Variants in ZNF217 observed in about 807,000 individuals in gnomAD.
ZNF217 encodes zinc finger protein 217.
A neutral mutation model predicts 73.3 loss-of-function variants in ZNF217; 12 were observed. The observed-to-expected ratio is 0.16, with a 90% CI of 0.10 to 0.27. The LOEUF (loss-of-function observed/expected upper bound fraction) is 0.27, where lower values mean the gene tolerates loss of function less well. Ranked by LOEUF, ZNF217 falls within the 10% of genes least tolerant of loss-of-function variation. The probability of loss-of-function intolerance (pLI) is 1.00; values close to 1 mark genes in which losing one functional copy is unlikely to be tolerated. For missense variants in ZNF217, 1,195 were observed against 1,327.8 expected (o/e 0.90, Z 1.55); for synonymous variants, 588 against 516.4 (o/e 1.14, Z -1.88).
At chr20:53,578,681 A>G (rs775567240) in intron 2 of ZNF217, among the ~76,000 whole-genome samples, 1 of 152,334 alleles carries the variant, frequency 6.6e-6, no homozygotes, top group Admixed American at 6.5e-5. Context: ...TGGGTACAGC[A>G]GAGTACACTA....
At chr20:53,590,095 A>G (rs1315224878) in intron 1 of ZNF217, among the ~76,000 whole-genome samples, 1 of 152,112 alleles carries the variant, frequency 6.6e-6, no homozygotes, top group East Asian at 1.9e-4. Context: ...CATCCCAGTA[A>G]TCTAAAAACT....
At chr20:53,584,259 A>G (rs1232322226) in intron 1 of ZNF217, among the ~76,000 whole-genome samples, 2 of 152,266 alleles carry the variant, frequency 1.3e-5, no homozygotes, top group African/African-American at 4.8e-5. Context: ...ACCAAAAGGC[A>G]TGCAAACTAC....
At chr20:53,593,680 C>T (rs563108175) in intron 1 of ZNF217, 76 bp downstream of exon 1, 2 of 150,834 alleles carry the variant, frequency 1.3e-5, no homozygotes, top group Non-Finnish European at 3.0e-5. Flanking sequence ...CCGGGCGCCT[C>T]GGGGGCGGCG....
chr20:53,582,656 G>T lies in ZNF217; in HGVS notation c.171C>A (p.Ile57=). The T allele has an allele frequency of 6.2e-7, 1 of 1,614,168 alleles. No homozygotes were observed. Among genetic ancestry groups the T allele is most frequent in the Non-Finnish European group, 8.5e-7 (1 of 1,180,028 alleles). ...CCAAGGGCATATACCCCTCGATTTG[G>T]ATGACATTTTTTTCTTGTGTAGCTC... is the stretch of plus-strand genomic sequence containing the variant. ...PFRATQEKNV[I]QIEGYMPLDC... The change falls in exon 2 of 6, where the codon ATC becomes ATA. Residue 57 remains isoleucine, a synonymous_variant. Transcript: ENST00000371471. The surrounding 1 kb of genome is among the most constrained non-coding windows in gnomAD (Gnocchi z 4.8).
Position 53,575,939 on chromosome 20 carries a change from A to T in ZNF217, c.2825T>A (p.Leu942His). ...GCCTCTGACCATATGGTACTTGGGA[A>T]GGTCATAGCCTCTTCTGTAATTGGC... Reference protein sequence around the residue: ...PGANYRRGYDLPKYHMVRGIT... With the variant: ...PGANYRRGYDHPKYHMVRGIT... Residue 942 changes from leucine to histidine, a missense_variant, in exon 4 of 6, where the codon CTT (leucine) becomes CAT (histidine). Transcript: ENST00000371471. 5 of 1,614,224 alleles carry T rather than the reference A, an allele frequency of 3.1e-6. No homozygotes were observed. The highest frequency in any genetic ancestry group is 4.2e-6 in the Non-Finnish European group (5 of 1,180,042).
rs1180125128 is a variant in ZNF217, at chr20:53,582,394, T to C, written c.433A>G (p.Ile145Val). 6.2e-7 allele frequency: 1 copy of C among 1,604,942 alleles called. No individual in the cohort carries two copies. Among genetic ancestry groups the C allele is most frequent in the East Asian group, 2.3e-5 (1 of 44,180 alleles). Residue 145 changes from isoleucine (I) to valine (V), a missense_variant, in exon 2 of 6, where the codon ATC becomes GTC. By Grantham distance (29) the Ile-to-Val change is conservative (BLOSUM62 3). Around this residue, in one of 9 missense-constraint regions of ZNF217, gnomAD observed 147 missense variants for 184.3 expected, o/e 0.80. Transcript: ENST00000371471. This position sits in a 1 kb window ranked among gnomAD's most constrained non-coding sequence, Gnocchi z 4.8. Reference protein sequence around the residue: ...QTFRVAFDVEIHMRTHKDSFT... With the variant: ...QTFRVAFDVEVHMRTHKDSFT... ...GAATCTTTGTGTGTTCTCATGTGGA[T>C]CTCAACATCAAAAGCGACTCTAAAT...
intron 1 of ZNF217, among the ~76,000 whole-genome samples, chr20:53,584,670 G>A (rs976341577): frequency 2.6e-5 from 4 of 152,152 alleles, no homozygotes; most frequent in African/African-American, 7.2e-5. Context: ...TCTATTTAAC[G>A]CAGTTGGTTA....
chr20:53,595,265 T>C (rs1291422046), upstream of ZNF217, among the ~76,000 whole-genome samples: 1 of 152,144 alleles, frequency 6.6e-6, no homozygotes, highest in African/African-American at 2.4e-5. Context: ...TGCAAACTAA[T>C]GCAAATGTGA....
Position 53,587,712 on chromosome 20 carries a change from A to G in ZNF217, c.-342-4544T>C, listed in dbSNP as rs962948087. Among the ~76,000 whole-genome samples, 95 of 150,502 alleles carry G rather than the reference A, an allele frequency of 6.3e-4. 1 individual carries two copies. Among genetic ancestry groups the G allele is most frequent in the African/African-American group, 2.3e-3 (94 of 40,780 alleles). ...AACTTAAATTGCTATTCTCTGGCCAATGCATTTGTACCCTGAAAACTACAA... is the reference window on the plus strand; with the variant it reads ...AACTTAAATTGCTATTCTCTGGCCAGTGCATTTGTACCCTGAAAACTACAA... On this transcript the variant is annotated intron_variant, in intron 1 of 5. Transcript: ENST00000371471.
In ZNF217 at chr20:53,581,805, C is replaced by G. The variant is rs2036358690; in HGVS notation, c.1022G>C (p.Cys341Ser). 1.2e-6 allele frequency: 2 copies of G among 1,614,260 alleles called. No homozygotes were observed. Among genetic ancestry groups the G allele is most frequent in the East Asian group, 2.2e-5 (1 of 44,884 alleles). Reference sequence around the variant, plus strand: ...CTCTTTCTCTTGCGAGAGGCCTGCACAACTGCCCTTATTTGTTTCTCCAAG... The same window carrying G: ...CTCTTTCTCTTGCGAGAGGCCTGCAGAACTGCCCTTATTTGTTTCTCCAAG... ...KELGETNKGSCAGLSQEKEKC... is the reference protein window; with the variant it reads ...KELGETNKGSSAGLSQEKEKC... Residue 341 changes from cysteine (C) to serine (S), a missense_variant, in exon 2 of 6, where the codon TGT becomes TCT. Transcript: ENST00000371471. This position sits in a 1 kb window ranked among gnomAD's most constrained non-coding sequence, Gnocchi z 4.9.
At position 53,582,892 on chromosome 20, in the gene ZNF217, T is replaced by G. The variant is rs545416954; in HGVS notation, c.-66A>C. The stretch of plus-strand genomic sequence containing the variant: ...TAAGGCCACTTGTAAGACTTGTCAC[T>G]CACCCCTCTAACAGCCCTGGGTTCC... On this transcript the variant is annotated 5_prime_UTR_variant, in exon 2 of 6. Transcript: ENST00000371471. The surrounding 1 kb of genome is among the most constrained non-coding windows in gnomAD (Gnocchi z 4.8). 7 of 1,507,752 alleles carry G rather than the reference T, an allele frequency of 4.6e-6. No homozygotes were observed. In the South Asian group the frequency reaches 7.9e-5, roughly 17 times the overall value. 93.4% of individuals were successfully genotyped at this position (1,507,752 alleles called of 1,614,324 possible). A position where few individuals can be genotyped will look rare whatever the true frequency, so the allele number is the denominator to read the frequency against.
In ZNF217 at chr20:53,581,356, C is replaced by T. The variant is rs1988473649; in HGVS notation, c.1366+105G>A. 1 of 1,477,010 alleles carries T rather than the reference C, an allele frequency of 6.8e-7. No homozygotes were observed. Among genetic ancestry groups the T allele is most frequent in the Middle Eastern group, 2.3e-4 (1 of 4,430 alleles). 91.5% of individuals were successfully genotyped at this position (1,477,010 alleles called of 1,614,324 possible). On this transcript the variant is annotated intron_variant, in intron 2 of 5. Transcript: ENST00000371471. This position sits in a 1 kb window ranked among gnomAD's most constrained non-coding sequence, Gnocchi z 4.9. ...CTGGACTTGACTCTGGCTCTCCAAA[C>T]CCCATTCCTGGCCAGCGTTGTCTGG... is the stretch of plus-strand genomic sequence containing the variant.
intron 2 of ZNF217, among the ~76,000 whole-genome samples, chr20:53,580,934 T>G (rs989303071): frequency 5.9e-5 from 9 of 152,168 alleles, no homozygotes; most frequent in Non-Finnish European, 1.3e-4. Flanking sequence ...CTAGGGTCTC[T>G]CAATGCTCAA....
chr20:53,585,112 A>AAC (rs1568689976), intron 1 of ZNF217, among the ~76,000 whole-genome samples: 1 of 150,412 alleles, frequency 6.6e-6, no homozygotes, highest in East Asian at 1.9e-4. Context: ...AAAAAAAAAA[A>AAC]AAAAAACTAA....
In ZNF217 at chr20:53,577,129, T is replaced by C. The variant is rs1174770273; in HGVS notation, c.1635A>G (p.Ala545=). ...NDGKNQDTED[A]LLTADSAQTK... ...TTTGCGCACTGTCAGCGGTTAATAG[T>C]GCATCTTCAGTGTCCTGATTTTTAC... The change falls in exon 4 of 6, where the codon GCA becomes GCG. Residue 545 remains alanine, a synonymous_variant. Coordinates refer to ENST00000371471, the MANE Select transcript of ZNF217 (RefSeq NM_006526.3). 10 of 1,614,104 alleles carry C rather than the reference T, an allele frequency of 6.2e-6. No individual in the cohort carries two copies. The highest frequency in any genetic ancestry group is 8.5e-6 in the Non-Finnish European group (10 of 1,180,056).
chr20:53,578,986 A>T lies in ZNF217; in HGVS notation c.1367-536T>A, dbSNP rs561220969. Reference sequence around the variant, plus strand: ...CAACTTAATCTTCAACAGAAAAGAAAGTCTGGCATTGGGCAAGCACCTAGG... The same window carrying T: ...CAACTTAATCTTCAACAGAAAAGAATGTCTGGCATTGGGCAAGCACCTAGG... On this transcript the variant is annotated intron_variant, in intron 2 of 5. Coordinates refer to ENST00000371471, the MANE Select transcript of ZNF217 (RefSeq NM_006526.3). Among the ~76,000 whole-genome samples the T allele has an allele frequency of 5.8e-4, 88 of 152,366 alleles. 1 individual carries two copies. Among genetic ancestry groups the T allele is most frequent in the African/African-American group, 2.1e-3 (86 of 41,590 alleles).
chr20:53,593,341 C>A (rs2145987623), intron 1 of ZNF217, among the ~76,000 whole-genome samples: 1 of 152,274 alleles, frequency 6.6e-6, no homozygotes, highest in Admixed American at 6.5e-5. Context: ...CCTACGCCGA[C>A]GTTCCCCCTC....
chr20:53,573,125 ATT>A (rs58075044), intron 4 of ZNF217, among the ~76,000 whole-genome samples: 1,857 of 141,140 alleles, frequency 0.013, 30 homozygotes, highest in African/African-American at 0.041. Context: ...CTGTAGTACT[ATT>A]TTTTTTTTTT....
At chr20:53,577,480 AT>A (rs1988327245) in intron 3 of ZNF217, among the ~76,000 whole-genome samples, 200 bp from the exon 4 acceptor site, 1 of 152,228 alleles carries the variant, frequency 6.6e-6, no homozygotes, top group African/African-American at 2.4e-5. Flanking sequence ...CAATAGAAAA[AT>A]TAACAGCAAC....
Sources: gnomAD v4.1 joint callset for allele counts (sites outside exome capture counted in the v4.1 genomes callset) on GRCh38, gnomAD v4.1.1 for gene constraint, gnomAD v4.1.1 regional missense constraint, Gnocchi (gnomAD v3.1) non-coding constraint, MANE v1.5 for transcripts, NCBI Gene and HGNC (gene_info 2026-07-23, HGNC 2026-07-21) for gene names.